The following DIP2B variants were observed in gnomAD, a reference collection of about 807,000 sequenced individuals.
The protein encoded by DIP2B is DIP2 acetate--CoA ligase B (putative), also known as disco-interacting protein 2 homolog B.
DIP2B carries 76 observed loss-of-function variants against 198.0 expected under a neutral mutation model. The ratio of observed to expected loss-of-function variants is 0.38; its 90% CI spans 0.32 to 0.46. The LOEUF (loss-of-function observed/expected upper bound fraction) is 0.46, where lower values mean the gene tolerates loss of function less well. DIP2B is among the 20% of genes least tolerant of loss of function. DIP2B has a pLI of 0.99. For synonymous variants in DIP2B, 701 were observed against 739.1 expected, an observed-to-expected ratio of 0.95 and a Z score of 0.84; for missense variants, 1,559 against 1,978.4, an observed-to-expected ratio of 0.79 and a Z score of 4.02.
At position 50,704,822 on chromosome 12, in the gene DIP2B, G is replaced by A. The variant is rs150608367; in HGVS notation, c.2406+602G>A. On this transcript the variant is annotated intron_variant, in intron 20 of 37. Transcript: ENST00000301180. ...CTACTAAAAATACAAAAATTAGCTG[G>A]GTGTGGTAGCATGTACCTGTAATTC... 9.5e-4 allele frequency among the ~76,000 whole-genome samples: 144 copies of A among 152,200 alleles called. 4 individuals carry two copies. The East Asian group carries it at 0.026, about 28-fold the overall frequency.
chr12:50,736,142 T>C (rs552374036), intron 34 of DIP2B, among the ~76,000 whole-genome samples: 1 of 152,286 alleles, frequency 6.6e-6, no homozygotes, highest in African/African-American at 2.4e-5. Context: ...CCAAACCTAC[T>C]TGGTGGTGTA....
chr12:50,718,150 G>A (rs890034152), intron 23 of DIP2B, among the ~76,000 whole-genome samples: 1 of 151,676 alleles, frequency 6.6e-6, no homozygotes. Flanking sequence ...CTCCCGCCTC[G>A]CCCTCCCAAA....
chr12:50,603,300 A>G (rs1008524824), intron 1 of DIP2B, among the ~76,000 whole-genome samples: 1 of 152,198 alleles, frequency 6.6e-6, no homozygotes, highest in Non-Finnish European at 1.5e-5. Flanking sequence ...TGTTGCCTGT[A>G]CTGTGTCCAG....
rs115017995 is a variant in DIP2B, at chr12:50,666,277, G to A, written c.428-4909G>A. On this transcript the variant is annotated intron_variant, in intron 4 of 37. Transcript: ENST00000301180. ...CATGCCCTCAGTGTACCAGTCAAAG[G>A]GCTAAGTGCTTAACATATATTTTTT... Among the ~76,000 whole-genome samples, 444 of 152,192 alleles carry A rather than the reference G, an allele frequency of 2.9e-3. 5 individuals are homozygous for A. The highest frequency in any genetic ancestry group is 0.01 in the African/African-American group (421 of 41,522).
chr12:50,695,439 T>G, intron 15 of DIP2B, 79 bp downstream of exon 15: 1 of 1,280,872 alleles, frequency 7.8e-7, no homozygotes, highest in Non-Finnish European at 1.1e-6. Flanking sequence ...ATTTTCAAAT[T>G]GCCCTTGTAT....
At chr12:50,709,232 T>G (rs1939569162) in intron 22 of DIP2B, among the ~76,000 whole-genome samples, 1 of 152,212 alleles carries the variant, frequency 6.6e-6, no homozygotes, top group Non-Finnish European at 1.5e-5. Flanking sequence ...TATAGAGCTG[T>G]TGGAAGGATT....
chr12:50,734,204 A>G lies in DIP2B; in HGVS notation c.4043+8A>G. On this transcript the variant is annotated splice_region_variant and intron_variant, in intron 33 of 37. Transcript: ENST00000301180. ...ATCACTAAGACATGACAGGTACAACAGATTTATTAATGCTCCTTTCCTACT... is the reference window on the plus strand; with the variant it reads ...ATCACTAAGACATGACAGGTACAACGGATTTATTAATGCTCCTTTCCTACT... 1.2e-6 allele frequency: 2 copies of G among 1,614,004 alleles called. No individual in the cohort carries two copies. The highest frequency in any genetic ancestry group is 1.7e-6 in the Non-Finnish European group (2 of 1,179,936).
intron 9 of DIP2B, among the ~76,000 whole-genome samples, chr12:50,681,242 G>A (rs1055624667): frequency 1.3e-5 from 2 of 152,076 alleles, no homozygotes; most frequent in Admixed American, 6.6e-5. Context: ...ACCAGCCTGG[G>A]CAACATAGTG....
At chr12:50,657,506 G>A (rs1187229046) in intron 3 of DIP2B, among the ~76,000 whole-genome samples, 1 of 151,960 alleles carries the variant, frequency 6.6e-6, no homozygotes, top group African/African-American at 2.4e-5. Flanking sequence ...CATTATTTCT[G>A]GCTGGGCATG....
At chr12:50,704,480 TTTTTA>T (rs1939478602) in intron 20 of DIP2B, among the ~76,000 whole-genome samples, 3 of 152,278 alleles carry the variant, frequency 2.0e-5, no homozygotes, top group Admixed American at 2.0e-4. Context: ...GATGAGACTT[TTTTTA>T]TTTTAAGAAC....
Position 50,737,101 on chromosome 12 carries a change from C to T in DIP2B, c.4167C>T (p.His1389=), listed in dbSNP as rs758518613. The T allele has an allele frequency of 2.9e-5, 46 of 1,613,780 alleles. No individual in the cohort carries two copies. The South Asian group carries it at 4.9e-4, about 17-fold the overall frequency. ...PETKGPVGDS[H]LGEIWVNSPH... Reference sequence around the variant, plus strand: ...CCAAAGGGCCGGTTGGAGACTCTCACCTTGGAGAGGTTTGTAATAATTTTC... The same window carrying T: ...CCAAAGGGCCGGTTGGAGACTCTCATCTTGGAGAGGTTTGTAATAATTTTC... The change falls in exon 35 of 38, where the codon CAC becomes CAT. Residue 1389 remains histidine (H), a synonymous_variant. Transcript: ENST00000301180.
At chr12:50,599,626 A>G (rs1958918731) in intron 1 of DIP2B, among the ~76,000 whole-genome samples, 1 of 152,214 alleles carries the variant, frequency 6.6e-6, no homozygotes. Flanking sequence ...AAAAAAACAA[A>G]AAACAAAACA....
chr12:50,732,602 G>C (rs893319435), intron 32 of DIP2B, 66 bp downstream of exon 32: 2 of 1,582,632 alleles, frequency 1.3e-6, no homozygotes. Context: ...CAGAGCATGG[G>C]CTTTGGAGCC....
chr12:50,615,158 T>G (rs150606517), intron 1 of DIP2B, among the ~76,000 whole-genome samples: 1 of 152,296 alleles, frequency 6.6e-6, no homozygotes, highest in Non-Finnish European at 1.5e-5. Flanking sequence ...AACTAGCTGT[T>G]AACACTAGAA....
intron 7 of DIP2B, among the ~76,000 whole-genome samples, chr12:50,677,232 C>G (rs1418960465): frequency 6.6e-6 from 1 of 152,148 alleles, no homozygotes; most frequent in Non-Finnish European, 1.5e-5. Context: ...TCATGTTGTC[C>G]TAGCCTTAGC....
At chr12:50,563,886 A>AT (rs35461546) in intron 1 of DIP2B, among the ~76,000 whole-genome samples, 37,277 of 151,416 alleles carry the variant, frequency 0.25, 5,393 homozygotes, top group East Asian at 0.39. Context: ...TGCTGGATTT[A>AT]TTTTTTTAGT....
At chr12:50,734,928 T>C (rs1940109310) in intron 33 of DIP2B, 145 bp from the exon 34 acceptor site, 7 of 949,530 alleles carry the variant, frequency 7.4e-6, no homozygotes, top group Non-Finnish European at 9.7e-6. Context: ...GCCAAAATGT[T>C]AGTAGTGCTG....
intron 3 of DIP2B, among the ~76,000 whole-genome samples, chr12:50,643,853 A>G (rs1938303426): frequency 6.6e-6 from 1 of 152,278 alleles, no homozygotes; most frequent in Admixed American, 6.5e-5. Context: ...CTGACCTTAT[A>G]TCTGTTTGCT....
intron 2 of DIP2B, among the ~76,000 whole-genome samples, chr12:50,629,241 A>T (rs1937995756): frequency 6.6e-6 from 1 of 151,996 alleles, no homozygotes; most frequent in African/African-American, 2.4e-5. Flanking sequence ...TTACAGGCTC[A>T]TTTTTGTCTG....
Sources: gnomAD v4.1 joint callset for allele counts (sites outside exome capture counted in the v4.1 genomes callset) on GRCh38, gnomAD v4.1.1 for gene constraint, MANE v1.5 for transcripts, NCBI Gene and HGNC (gene_info 2026-07-23, HGNC 2026-07-21) for gene names.